The following ZNF326 variants were observed in gnomAD, a reference collection of about 807,000 sequenced individuals.
ZNF326 encodes the protein zinc finger protein 326.
ZNF326 carries 30 observed loss-of-function variants against 63.1 expected under a neutral mutation model. The ratio of observed to expected loss-of-function variants is 0.48; its 90% CI spans 0.36 to 0.64. The LOEUF (loss-of-function observed/expected upper bound fraction) is 0.64. Ranked by LOEUF, ZNF326 falls within the 30% of genes least tolerant of loss-of-function variation. ZNF326 has a pLI of 0.00. For missense variants in ZNF326, 609 were observed against 720.3 expected, an observed-to-expected ratio of 0.85 and a Z score of 1.77; for synonymous variants, 194 against 228.2, an observed-to-expected ratio of 0.85 and a Z score of 1.35.
chr1:90,029,909 G>C lies in ZNF326; in HGVS notation c.*2208G>C, dbSNP rs762851028. The C allele has an allele frequency of 2.0e-5, 3 of 152,122 alleles. No homozygotes were observed. The highest frequency in any genetic ancestry group is 2.9e-5 in the Non-Finnish European group (2 of 68,026). 9.4% of individuals were successfully genotyped at this position (152,122 alleles called of 1,614,324 possible). ...AGGCGGGCAGTTTACTTTATAGTCA[G>C]GTTAGTTTTTGTGATCCTTAGTGTT... On this transcript the variant is annotated 3_prime_UTR_variant, in exon 12 of 12. Coordinates refer to ENST00000340281, the MANE Select transcript of ZNF326 (RefSeq NM_182976.4).
chr1:90,025,678 T>C (rs558630450), intron 11 of ZNF326, among the ~76,000 whole-genome samples: 2 of 152,318 alleles, frequency 1.3e-5, no homozygotes, highest in African/African-American at 2.4e-5. Flanking sequence ...TGTCACATCA[T>C]ACTTTTGAAA....
chr1:90,011,066 T>C (rs1381223369), intron 6 of ZNF326, among the ~76,000 whole-genome samples: 1 of 152,194 alleles, frequency 6.6e-6, no homozygotes, highest in Non-Finnish European at 1.5e-5. Flanking sequence ...TTCAAAGATA[T>C]ATTTTGCACG....
intron 6 of ZNF326, among the ~76,000 whole-genome samples, chr1:90,011,054 A>G (rs763182865): frequency 4.1e-4 from 62 of 152,260 alleles, no homozygotes; most frequent in Non-Finnish European, 5.9e-4. Flanking sequence ...CTTGGGACCT[A>G]TTTCAAAGAT....
intron 1 of ZNF326, 87 bp downstream of exon 1, chr1:89,995,360 G>A: frequency 6.8e-7 from 1 of 1,470,912 alleles, no homozygotes; most frequent in South Asian, 1.3e-5. Context: ...CAAGATGGCC[G>A]TGTGGGCTTT....
In ZNF326 at chr1:90,027,526, GAGA is replaced by G; in HGVS notation, c.1577_1579del (p.Glu526del). On this transcript the variant is annotated inframe_deletion, in exon 12 of 12. Transcript: ENST00000340281. ...GAAGTGGAAGAAGTAGAGGAAGTGAGAGAAGGAGGAATAGAGGGCGAGGGAAAT... is the reference window on the plus strand; with the variant it reads ...GAAGTGGAAGAAGTAGAGGAAGTGAGAGGAGGAATAGAGGGCGAGGGAAAT... 1 of 1,611,340 alleles carries G rather than the reference GAGA, an allele frequency of 6.2e-7. No homozygotes were observed.
At position 90,007,684 on chromosome 1, in the gene ZNF326, T is replaced by G; in HGVS notation, c.549T>G (p.Ser183Arg). ...RGRGTPAYPE[S>R]TFGSRNYDAF... ...GAGGAACGCCTGCTTATCCTGAAAG[T>G]ACGTTTGGAAGCAGAAACTATGATG... The change falls in exon 5 of 12, where the codon AGT (serine) becomes AGG (arginine). Residue 183 changes from serine (S) to arginine (R), a missense_variant. Around this residue, in one of 3 missense-constraint regions of ZNF326, gnomAD observed 113 missense variants for 187.4 expected, o/e 0.60. Transcript: ENST00000340281. The surrounding 1 kb of genome is among the most constrained non-coding windows in gnomAD (Gnocchi z 4.9). 1 of 1,518,096 alleles carries G rather than the reference T, an allele frequency of 6.6e-7. No individual in the cohort carries two copies. The highest frequency in any genetic ancestry group is 8.8e-7 in the Non-Finnish European group (1 of 1,134,060). The allele number at this position is 1,518,096 out of a possible 1,614,324, so 94.0% of individuals were successfully genotyped here.
Position 90,024,168 on chromosome 1 carries a change from C to T in ZNF326, c.1401+1823C>T, listed in dbSNP as rs920016392. On this transcript the variant is annotated intron_variant, in intron 11 of 11. Coordinates refer to ENST00000340281, the MANE Select transcript of ZNF326 (RefSeq NM_182976.4). ...TTAAAACTCCTCCACTGTCCCTCCA[C>T]TGTCAAGTGCTCTCAGTCTGATAAA... is the stretch of plus-strand genomic sequence containing the variant. Among the ~76,000 whole-genome samples the T allele has an allele frequency of 2.0e-5, 3 of 152,212 alleles. No individual in the cohort carries two copies. The East Asian group carries it at 5.8e-4, about 29-fold the overall frequency.
At chr1:90,025,654 T>C (rs1649983263) in intron 11 of ZNF326, among the ~76,000 whole-genome samples, 1 of 152,202 alleles carries the variant, frequency 6.6e-6, no homozygotes, top group African/African-American at 2.4e-5. Context: ...CTTGGACAAC[T>C]GCTGCTGTCT....
intron 7 of ZNF326, 47 bp downstream of exon 7, chr1:90,013,284 C>A: frequency 7.2e-7 from 1 of 1,379,730 alleles, no homozygotes; most frequent in East Asian, 2.5e-5. Flanking sequence ...AAATGATTTC[C>A]TAGAAAAAGC....
In ZNF326 at chr1:89,995,128, G is replaced by T; in HGVS notation, c.-130G>T. 8.5e-7 allele frequency: 1 copy of T among 1,172,410 alleles called. No individual in the cohort carries two copies. Among genetic ancestry groups the T allele is most frequent in the Non-Finnish European group, 1.2e-6 (1 of 844,844 alleles). The allele number at this position is 1,172,410 out of a possible 1,614,324, so 72.6% of individuals were successfully genotyped here. ...CCTCCCCAGCCTCGCTGTGGCCTGCGGCTCCCGGGCTGGTAGCGCGCCGCT... is the reference window on the plus strand; with the variant it reads ...CCTCCCCAGCCTCGCTGTGGCCTGCTGCTCCCGGGCTGGTAGCGCGCCGCT... On this transcript the variant is annotated 5_prime_UTR_variant, in exon 1 of 12. Transcript: ENST00000340281.
At chr1:90,011,555 G>A (rs1479385881) in intron 6 of ZNF326, among the ~76,000 whole-genome samples, 1 of 130,798 alleles carries the variant, frequency 7.6e-6, no homozygotes, top group African/African-American at 2.8e-5. Context: ...AAAGTTAAAT[G>A]TATTATAAGA....
In ZNF326 at chr1:90,017,307, T is replaced by TC; in HGVS notation, c.927-9dup. 1 of 1,562,492 alleles carries TC rather than the reference T, an allele frequency of 6.4e-7. No homozygotes were observed. The highest frequency in any genetic ancestry group is 8.6e-7 in the Non-Finnish European group (1 of 1,159,476). ...TAATATTTAAAGGAAAACTTTTTTT[T>TC]CTCTTACAGAATGGCATTTACATGT... On this transcript the variant is annotated splice_polypyrimidine_tract_variant and intron_variant, in intron 7 of 11. Transcript: ENST00000340281.
At chr1:90,022,162 G>A in intron 10 of ZNF326, 88 bp from the exon 11 acceptor site, 1 of 918,132 alleles carries the variant, frequency 1.1e-6, no homozygotes, top group South Asian at 1.6e-5. Context: ...TAAATCTAAG[G>A]GTTTGAGCAT....
At chr1:90,002,586 A>G (rs942261055) in intron 2 of ZNF326, among the ~76,000 whole-genome samples, 12 of 152,196 alleles carry the variant, frequency 7.9e-5, no homozygotes, top group Non-Finnish European at 1.3e-4. Flanking sequence ...CTGTATCACA[A>G]AAAATTAACT....
intron 1 of ZNF326, among the ~76,000 whole-genome samples, chr1:89,997,034 C>T (rs1570930204): frequency 1.3e-5 from 2 of 152,322 alleles, no homozygotes; most frequent in East Asian, 3.9e-4. Context: ...GAATTCTAAA[C>T]AGTGTCAGTG....
Position 90,018,794 on chromosome 1 carries a change from T to A in ZNF326, c.1174+10T>A. On this transcript the variant is annotated intron_variant, in intron 9 of 11. Transcript: ENST00000340281. ...AAAGATGTTATGGAAGGTAAGTATT[T>A]AAAACAAATTATTTTAAAATTCTAC... The A allele has an allele frequency of 6.9e-7, 1 of 1,442,134 alleles. No homozygotes were observed. Among genetic ancestry groups the A allele is most frequent in the Non-Finnish European group, 9.5e-7 (1 of 1,054,000 alleles). The allele number at this position is 1,442,134 out of a possible 1,614,324, so 89.3% of individuals were successfully genotyped here.
intron 6 of ZNF326, 63 bp from the exon 7 acceptor site, chr1:90,013,063 A>C: frequency 7.1e-7 from 1 of 1,400,918 alleles, no homozygotes; most frequent in Non-Finnish European, 9.8e-7. Flanking sequence ...TTACGAACTG[A>C]TGATTGGAAA....
At chr1:90,011,191 G>C (rs192833888) in intron 6 of ZNF326, among the ~76,000 whole-genome samples, 1 of 152,112 alleles carries the variant, frequency 6.6e-6, no homozygotes, top group African/African-American at 2.4e-5. Flanking sequence ...GAAAAGTGTT[G>C]TGTAGCTAAG....
Position 89,995,130 on chromosome 1 carries a change from C to G in ZNF326, c.-128C>G. On this transcript the variant is annotated 5_prime_UTR_variant, in exon 1 of 12. Transcript: ENST00000340281. ...TCCCCAGCCTCGCTGTGGCCTGCGG[C>G]TCCCGGGCTGGTAGCGCGCCGCTCT... is the stretch of plus-strand genomic sequence containing the variant. The G allele has an allele frequency of 8.3e-7, 1 of 1,202,478 alleles. No homozygotes were observed. The highest frequency in any genetic ancestry group is 1.4e-5 in the South Asian group (1 of 71,272). 74.5% of individuals were successfully genotyped at this position (1,202,478 alleles called of 1,614,324 possible).
Sources: allele counts gnomAD v4.1 joint callset (sites outside exome capture counted in the v4.1 genomes callset), GRCh38; gene constraint gnomAD v4.1.1; regional missense constraint gnomAD v4.1.1; non-coding constraint Gnocchi (gnomAD v3.1); transcripts MANE v1.5; gene names NCBI Gene and HGNC (gene_info 2026-07-23, HGNC 2026-07-21).